The following CTNNA3 variants were observed in gnomAD, a reference collection of about 807,000 sequenced individuals.
CTNNA3 encodes catenin alpha 3, also known as catenin alpha-3.
A neutral mutation model predicts 95.7 loss-of-function variants in CTNNA3; 76 were observed. That is an observed-to-expected ratio of 0.79 (90% confidence interval 0.66 to 0.96). CTNNA3 has a LOEUF of 0.96. Among genes scored for constraint, CTNNA3 ranks in the 40% least tolerant of loss-of-function variants. CTNNA3 has a pLI of 0.00. For synonymous variants in CTNNA3, 431 were observed against 374.4 expected (o/e 1.15, Z -1.74); for missense variants, 1,191 against 1,089.8 (o/e 1.09, Z -1.31).
chr10:67,682,781 T>A (rs1840652360), intron 1 of CTNNA3, among the ~76,000 whole-genome samples: 1 of 152,214 alleles, frequency 6.6e-6, no homozygotes, highest in Non-Finnish European at 1.5e-5. Flanking sequence ...ACAAGCATAT[T>A]CATTGCACAC....
At chr10:66,446,373 A>T (rs1193055722) in intron 11 of CTNNA3, among the ~76,000 whole-genome samples, 1 of 138,966 alleles carries the variant, frequency 7.2e-6, no homozygotes, top group Non-Finnish European at 1.6e-5. Context: ...CACAACCAAA[A>T]AAGGTAATTT....
chr10:67,705,570 T>C (rs891766813), intron 1 of CTNNA3, among the ~76,000 whole-genome samples: 1 of 140,184 alleles, frequency 7.1e-6, no homozygotes, highest in East Asian at 2.2e-4. Flanking sequence ...TAGGTGGGAA[T>C]TGAACAATGA....
intron 7 of CTNNA3, among the ~76,000 whole-genome samples, chr10:66,846,321 T>C (rs1843273433): frequency 6.6e-6 from 1 of 152,146 alleles, no homozygotes; most frequent in Non-Finnish European, 1.5e-5. Context: ...GAAATAAATG[T>C]ACAGTTGCTT....
At chr10:65,938,986 T>C (rs1377074581) in intron 17 of CTNNA3, among the ~76,000 whole-genome samples, 2 of 151,848 alleles carry the variant, frequency 1.3e-5, no homozygotes, top group Non-Finnish European at 2.9e-5. Flanking sequence ...CACTGCAAGC[T>C]CCGCCTCCCG....
intron 10 of CTNNA3, among the ~76,000 whole-genome samples, chr10:66,618,583 G>A (rs1013187450): frequency 2.0e-5 from 3 of 152,036 alleles, no homozygotes; most frequent in African/African-American, 4.8e-5. Context: ...AGACTTAAAC[G>A]TTAGACCTAA....
intron 9 of CTNNA3, among the ~76,000 whole-genome samples, chr10:66,639,270 A>G (rs185183851): frequency 3.7e-4 from 57 of 152,302 alleles, no homozygotes; most frequent in Middle Eastern, 6.8e-3. Context: ...TATTTAAGAT[A>G]GTTTTGAAAA....
intron 11 of CTNNA3, among the ~76,000 whole-genome samples, chr10:66,488,560 G>C (rs1839816019): frequency 6.6e-6 from 1 of 152,144 alleles, no homozygotes; most frequent in African/African-American, 2.4e-5. Context: ...AGCATTTCCT[G>C]ATTAGAATGC....
chr10:67,499,086 C>T (rs560941102), intron 5 of CTNNA3, among the ~76,000 whole-genome samples: 80 of 152,202 alleles, frequency 5.3e-4, no homozygotes, highest in Non-Finnish European at 9.3e-4. Flanking sequence ...ATAAATAGCT[C>T]TTACTATTTT....
At chr10:66,797,351 C>G (rs978720944) in intron 7 of CTNNA3, among the ~76,000 whole-genome samples, 3 of 150,604 alleles carry the variant, frequency 2.0e-5, no homozygotes, top group Admixed American at 6.6e-5. Flanking sequence ...TACATTTCCA[C>G]CACACTAGCA....
chr10:66,656,344 T>C (rs1321697181), intron 9 of CTNNA3, among the ~76,000 whole-genome samples: 1 of 152,156 alleles, frequency 6.6e-6, no homozygotes, highest in Non-Finnish European at 1.5e-5. Flanking sequence ...ATTATGTTTC[T>C]TCAGGGAGCA....
intron 12 of CTNNA3, among the ~76,000 whole-genome samples, chr10:66,349,216 T>C (rs1171761066): frequency 6.6e-6 from 1 of 152,102 alleles, no homozygotes; most frequent in Admixed American, 6.5e-5. Context: ...CAGTGGCTTT[T>C]GGCAGATACA....
intron 7 of CTNNA3, among the ~76,000 whole-genome samples, chr10:67,170,627 G>T (rs554057155): frequency 1.3e-5 from 2 of 152,234 alleles, no homozygotes; most frequent in East Asian, 3.9e-4. Flanking sequence ...GAGGGTGGAG[G>T]GTGGGAAAAG....
chr10:66,814,383 C>A (rs1270495326), intron 7 of CTNNA3, among the ~76,000 whole-genome samples: 1 of 151,898 alleles, frequency 6.6e-6, no homozygotes, highest in African/African-American at 2.4e-5. Flanking sequence ...TTTAGCATTT[C>A]ATTTAGGGGT....
chr10:66,198,942 T>C (rs1402867807), intron 13 of CTNNA3, among the ~76,000 whole-genome samples: 1 of 152,226 alleles, frequency 6.6e-6, no homozygotes, highest in African/African-American at 2.4e-5. Context: ...TCTAGATAAT[T>C]AAGATGATAG....
chr10:67,562,448 C>T (rs1439448373), intron 3 of CTNNA3, among the ~76,000 whole-genome samples: 5 of 152,154 alleles, frequency 3.3e-5, no homozygotes, highest in Non-Finnish European at 7.3e-5. Context: ...ACCCTTCATG[C>T]TAAAAACTCT....
chr10:65,921,656 C>T (rs990006199), intron 17 of CTNNA3, among the ~76,000 whole-genome samples: 2 of 152,196 alleles, frequency 1.3e-5, no homozygotes, highest in African/African-American at 4.8e-5. Flanking sequence ...GGGAAAGCAG[C>T]TTCCCAATCA....
intron 10 of CTNNA3, among the ~76,000 whole-genome samples, chr10:66,541,794 G>C (rs550386826): frequency 6.6e-6 from 1 of 152,134 alleles, no homozygotes; most frequent in South Asian, 2.1e-4. Flanking sequence ...TTTACAACAC[G>C]TAAGAGATTT....
At chr10:67,524,121 T>C (rs1212089205) in intron 4 of CTNNA3, among the ~76,000 whole-genome samples, 1 of 152,110 alleles carries the variant, frequency 6.6e-6, no homozygotes, top group Non-Finnish European at 1.5e-5. Context: ...GTGTTCAAAA[T>C]AGCCGGGCGC....
chr10:66,678,806 A>AG (rs1312374467), intron 9 of CTNNA3, among the ~76,000 whole-genome samples: 8 of 152,080 alleles, frequency 5.3e-5, no homozygotes, highest in African/African-American at 1.9e-4. Context: ...TAATTAACTA[A>AG]GGGGGGAAAA....
Sources: gnomAD v4.1 joint callset for allele counts (sites outside exome capture counted in the v4.1 genomes callset) on GRCh38, gnomAD v4.1.1 for gene constraint, MANE v1.5 for transcripts, NCBI Gene and HGNC (gene_info 2026-07-23, HGNC 2026-07-21) for gene names.